Variants in DACH1 observed in about 807,000 individuals in gnomAD.
DACH1 encodes the protein dachshund homolog 1.
In DACH1, 12 loss-of-function variants were observed where a neutral mutation model predicts 54.2. That is an observed-to-expected ratio of 0.22 (90% confidence interval 0.14 to 0.36). The LOEUF is 0.36. DACH1 is among the 10% of genes least tolerant of loss of function. DACH1 has a pLI of 1.00. For missense variants in DACH1, 805 were observed against 929.8 expected (o/e 0.87, Z 1.75); for synonymous variants, 386 against 366.2 (o/e 1.05, Z -0.62).
intron 4 of DACH1, among the ~76,000 whole-genome samples, chr13:71,571,892 C>A (rs1003067484): frequency 2.0e-5 from 3 of 151,938 alleles, no homozygotes; most frequent in African/African-American, 7.3e-5. Context: ...CCCGCCACCA[C>A]GCCTGGCTAA....
chr13:71,733,823 A>G (rs1883863411), intron 1 of DACH1, among the ~76,000 whole-genome samples: 1 of 152,056 alleles, frequency 6.6e-6, no homozygotes, highest in South Asian at 2.1e-4. Context: ...GTTCATAAAA[A>G]TTATTTCCTA....
chr13:71,538,499 G>A (rs1858643108), intron 6 of DACH1, among the ~76,000 whole-genome samples: 1 of 152,028 alleles, frequency 6.6e-6, no homozygotes, highest in South Asian at 2.1e-4. Context: ...CAAGGAAAAG[G>A]AATATGCAGA....
chr13:71,759,019 G>T (rs534081439), intron 1 of DACH1, among the ~76,000 whole-genome samples: 29 of 151,894 alleles, frequency 1.9e-4, no homozygotes, highest in African/African-American at 7.0e-4. Context: ...CAGGGAGCAT[G>T]GGGAGTGTTT....
At chr13:71,732,974 G>A (rs571616262) in intron 1 of DACH1, among the ~76,000 whole-genome samples, 56 of 151,794 alleles carry the variant, frequency 3.7e-4, no homozygotes, top group African/African-American at 1.3e-3. Context: ...TTTCCTATCT[G>A]CCTATACTTA....
chr13:71,850,982 A>T (rs935100768), intron 1 of DACH1, among the ~76,000 whole-genome samples: 1 of 152,250 alleles, frequency 6.6e-6, no homozygotes, highest in Non-Finnish European at 1.5e-5. Context: ...TTCAAAAGAA[A>T]TGCAATGTGT....
chr13:71,735,924 C>A (rs113681858), intron 1 of DACH1, among the ~76,000 whole-genome samples: 2 of 151,912 alleles, frequency 1.3e-5, no homozygotes, highest in Non-Finnish European at 2.9e-5. Flanking sequence ...TCAAAGGCAC[C>A]CTGCATGGCA....
intron 1 of DACH1, among the ~76,000 whole-genome samples, chr13:71,784,841 T>C (rs1217108530): frequency 3.3e-5 from 5 of 152,192 alleles, no homozygotes; most frequent in Non-Finnish European, 7.4e-5. Context: ...TAAAATGTGC[T>C]GATAAATAGA....
intron 2 of DACH1, among the ~76,000 whole-genome samples, chr13:71,673,323 C>G (rs1230303951): frequency 6.6e-6 from 1 of 152,004 alleles, no homozygotes; most frequent in Non-Finnish European, 1.5e-5. Flanking sequence ...AACAGAAGTA[C>G]TCTGTTTTAA....
At position 71,806,171 on chromosome 13, in the gene DACH1, A is replaced by G. The variant is rs1309229352; in HGVS notation, c.848+59751T>C. On this transcript the variant is annotated intron_variant, in intron 1 of 10. Transcript: ENST00000613252. ...TTTTCATCAAAAGATAATTAAGGACAATTTCCTAAAGAGATATATTCTTCA... is the reference window on the plus strand; with the variant it reads ...TTTTCATCAAAAGATAATTAAGGACGATTTCCTAAAGAGATATATTCTTCA... Among the ~76,000 whole-genome samples the G allele has an allele frequency of 1.4e-4, 22 of 152,148 alleles. 1 individual carries two copies. The highest frequency in any genetic ancestry group is 5.9e-5 in the Non-Finnish European group (4 of 68,026).
chr13:71,857,432 A>G (rs1874072057), intron 1 of DACH1, among the ~76,000 whole-genome samples: 1 of 151,730 alleles, frequency 6.6e-6, no homozygotes, highest in African/African-American at 2.4e-5. Context: ...CTGTGGCCCT[A>G]CATCCTACAG....
intron 6 of DACH1, among the ~76,000 whole-genome samples, chr13:71,510,114 C>T (rs545112314): frequency 6.6e-6 from 1 of 152,146 alleles, no homozygotes; most frequent in Non-Finnish European, 1.5e-5. Flanking sequence ...GCTTCCAGGA[C>T]ACTATTCTTT....
At chr13:71,759,642 T>A (rs549241817) in intron 1 of DACH1, among the ~76,000 whole-genome samples, 1 of 152,050 alleles carries the variant, frequency 6.6e-6, no homozygotes, top group Non-Finnish European at 1.5e-5. Flanking sequence ...TGTCAAAAGA[T>A]TTGTTTGTGA....
chr13:71,471,845 C>G (rs1009015381), intron 10 of DACH1, among the ~76,000 whole-genome samples: 6 of 152,096 alleles, frequency 3.9e-5, no homozygotes, highest in African/African-American at 1.4e-4. Flanking sequence ...GACGACTTAG[C>G]TGAAGAAAGC....
At chr13:71,500,516 A>C (rs901636779) in intron 6 of DACH1, among the ~76,000 whole-genome samples, 6 of 152,178 alleles carry the variant, frequency 3.9e-5, no homozygotes, top group Non-Finnish European at 5.9e-5. Flanking sequence ...TTTGCACGTA[A>C]CTTTTAGACT....
At chr13:71,493,523 G>C (rs1337345257) in intron 6 of DACH1, among the ~76,000 whole-genome samples, 2 of 151,930 alleles carry the variant, frequency 1.3e-5, no homozygotes. Context: ...ACTAAGTTTT[G>C]GTATAACTTA....
intron 1 of DACH1, among the ~76,000 whole-genome samples, chr13:71,814,748 A>T (rs1273594197): frequency 1.3e-5 from 2 of 152,400 alleles, no homozygotes; most frequent in East Asian, 3.9e-4. Flanking sequence ...TATTTGTGAC[A>T]ATTATGCATC....
chr13:71,449,746 C>G (rs1438833550), intron 10 of DACH1, among the ~76,000 whole-genome samples: 1 of 152,044 alleles, frequency 6.6e-6, no homozygotes, highest in Non-Finnish European at 1.5e-5. Flanking sequence ...AAGTAAAGTT[C>G]TTGATTGTGG....
At chr13:71,710,081 A>G (rs1882638266) in intron 1 of DACH1, among the ~76,000 whole-genome samples, 1 of 152,068 alleles carries the variant, frequency 6.6e-6, no homozygotes, top group African/African-American at 2.4e-5. Flanking sequence ...TATTTTTTGT[A>G]ATTTTATGAA....
chr13:71,724,316 C>G (rs1028251223), intron 1 of DACH1, among the ~76,000 whole-genome samples: 1 of 152,168 alleles, frequency 6.6e-6, no homozygotes, highest in African/African-American at 2.4e-5. Context: ...GCTTGCTATA[C>G]TTGGATAATT....
Sources: gnomAD v4.1 joint callset for allele counts (sites outside exome capture counted in the v4.1 genomes callset) on GRCh38, gnomAD v4.1.1 for gene constraint, MANE v1.5 for transcripts, NCBI Gene and HGNC (gene_info 2026-07-23, HGNC 2026-07-21) for gene names.